CCDC85A: variants seen among roughly 807,000 people sequenced by gnomAD.
The protein encoded by CCDC85A is coiled-coil domain containing 85A, also known as coiled-coil domain-containing protein 85A.
In CCDC85A, 38 loss-of-function variants were observed where a neutral mutation model predicts 50.2. The ratio of observed to expected loss-of-function variants is 0.76; its 90% CI spans 0.58 to 0.99. CCDC85A has a LOEUF of 0.99. Among genes scored for constraint, CCDC85A ranks in the 50% least tolerant of loss-of-function variants. The probability of loss-of-function intolerance (pLI) is 0.00; values close to 1 mark genes in which losing one functional copy is unlikely to be tolerated. For synonymous variants in CCDC85A, 366 were observed against 301.4 expected, an observed-to-expected ratio of 1.21 and a Z score of -2.22; for missense variants, 820 against 742.0, an observed-to-expected ratio of 1.11 and a Z score of -1.22.
At chr2:56,204,329 T>G (rs1676872992) in intron 2 of CCDC85A, among the ~76,000 whole-genome samples, 1 of 152,208 alleles carries the variant, frequency 6.6e-6, no homozygotes, top group Non-Finnish European at 1.5e-5. Context: ...CGACATATAA[T>G]GAAGTGTTCA....
At chr2:56,254,659 A>G (rs1669905888) in intron 2 of CCDC85A, among the ~76,000 whole-genome samples, 1 of 152,248 alleles carries the variant, frequency 6.6e-6, no homozygotes, top group African/African-American at 2.4e-5. Flanking sequence ...GGAGATGGAC[A>G]TTAATCAAAT....
At chr2:56,272,194 G>T (rs751099116) in intron 2 of CCDC85A, among the ~76,000 whole-genome samples, 1 of 152,134 alleles carries the variant, frequency 6.6e-6, no homozygotes, top group Non-Finnish European at 1.5e-5. Flanking sequence ...TAAAGAATAT[G>T]GGATAGGTGG....
chr2:56,335,895 T>G (rs1674048739), intron 2 of CCDC85A, among the ~76,000 whole-genome samples: 1 of 152,044 alleles, frequency 6.6e-6, no homozygotes, highest in African/African-American at 2.4e-5. Context: ...CCACTGCGCC[T>G]GACCCAAACT....
intron 3 of CCDC85A, among the ~76,000 whole-genome samples, chr2:56,353,972 T>C (rs1048278835): frequency 6.6e-6 from 1 of 152,164 alleles, no homozygotes; most frequent in Non-Finnish European, 1.5e-5. Flanking sequence ...AGTTAGGATA[T>C]TCTCACCTGA....
At chr2:56,362,771 A>C (rs971804475) in intron 3 of CCDC85A, among the ~76,000 whole-genome samples, 1 of 151,918 alleles carries the variant, frequency 6.6e-6, no homozygotes. Context: ...GGCATGTGCC[A>C]CCACACCCGG....
chr2:56,190,861 C>T (rs757817245), intron 1 of CCDC85A, among the ~76,000 whole-genome samples: 5 of 152,172 alleles, frequency 3.3e-5, no homozygotes, highest in Non-Finnish European at 7.4e-5. Flanking sequence ...GTCTGTTTTC[C>T]ACACAACTAT....
At chr2:56,310,002 G>A (rs1672616601) in intron 2 of CCDC85A, among the ~76,000 whole-genome samples, 1 of 152,116 alleles carries the variant, frequency 6.6e-6, no homozygotes. Context: ...CCCTGGAGGA[G>A]TCACACTATT....
At chr2:56,214,949 G>C (rs1471910565) in intron 2 of CCDC85A, among the ~76,000 whole-genome samples, 1 of 151,892 alleles carries the variant, frequency 6.6e-6, no homozygotes, top group African/African-American at 2.4e-5. Context: ...TGAACCTACA[G>C]ATCAAGTTGG....
chr2:56,319,577 T>C (rs1017664988), intron 2 of CCDC85A, among the ~76,000 whole-genome samples: 2 of 152,018 alleles, frequency 1.3e-5, no homozygotes, highest in African/African-American at 4.8e-5. Flanking sequence ...GAAAAGACAA[T>C]AGAATAAATA....
intron 2 of CCDC85A, among the ~76,000 whole-genome samples, chr2:56,336,693 A>G (rs1674091882): frequency 1.3e-5 from 2 of 152,202 alleles, no homozygotes; most frequent in Admixed American, 1.3e-4. Context: ...CTGCCTTAGA[A>G]ACAAAAGGGA....
intron 2 of CCDC85A, among the ~76,000 whole-genome samples, chr2:56,315,195 G>C (rs1360203472): frequency 6.6e-6 from 1 of 152,136 alleles, no homozygotes; most frequent in Non-Finnish European, 1.5e-5. Flanking sequence ...CACCTCCCAT[G>C]AGATTGACTG....
At chr2:56,376,535 C>CA (rs1676345427) in intron 5 of CCDC85A, among the ~76,000 whole-genome samples, 1 of 152,060 alleles carries the variant, frequency 6.6e-6, no homozygotes, top group Non-Finnish European at 1.5e-5. Flanking sequence ...AGTGATTTCA[C>CA]AAAAAATTGC....
intron 2 of CCDC85A, among the ~76,000 whole-genome samples, chr2:56,241,207 T>C (rs1669241522): frequency 6.6e-6 from 1 of 152,146 alleles, no homozygotes; most frequent in Non-Finnish European, 1.5e-5. Context: ...GAGATATATA[T>C]ATACATATGG....
intron 2 of CCDC85A, among the ~76,000 whole-genome samples, chr2:56,337,588 A>G (rs953333964): frequency 6.6e-6 from 1 of 151,986 alleles, no homozygotes; most frequent in Non-Finnish European, 1.5e-5. Flanking sequence ...GGCTCCACTC[A>G]TATCTCTCTG....
At chr2:56,206,617 A>G (rs1343363297) in intron 2 of CCDC85A, among the ~76,000 whole-genome samples, 3 of 152,140 alleles carry the variant, frequency 2.0e-5, no homozygotes, top group African/African-American at 7.2e-5. Context: ...CCATGATAAC[A>G]ATATTAATCC....
chr2:56,367,147 G>A (rs1431614173), intron 3 of CCDC85A, among the ~76,000 whole-genome samples: 2 of 152,046 alleles, frequency 1.3e-5, no homozygotes, highest in Admixed American at 6.6e-5. Context: ...CTGGTGTCAC[G>A]ATTTTCTAGG....
rs1336192523 is a variant in CCDC85A at position 56,329,943 on chromosome 2, C to CTTTTTTTTTTTTTT, written c.1241-12935_1241-12934insTTTTTTTTTTTTTT. On this transcript the variant is annotated intron_variant, in intron 2 of 5. Transcript: ENST00000407595. ...TGAAAATTTGTTTTTTACAGATTTC[C>CTTTTTTTTTTTTTT]TGTTTTTTTTTTTTTTTTTTTTTTT... is the stretch of plus-strand genomic sequence containing the variant. 8.7e-4 allele frequency among the ~76,000 whole-genome samples: 20 copies of CTTTTTTTTTTTTTT among 22,866 alleles called. 1 individual carries two copies. Among genetic ancestry groups the CTTTTTTTTTTTTTT allele is most frequent in the Non-Finnish European group, 1.0e-3 (11 of 10,700 alleles). The allele number at this position is 22,866 out of a possible 152,430, so 15.0% of individuals were successfully genotyped here.
intron 2 of CCDC85A, among the ~76,000 whole-genome samples, chr2:56,263,535 C>G (rs190213501): frequency 2.0e-5 from 3 of 152,118 alleles, no homozygotes; most frequent in African/African-American, 7.2e-5. Flanking sequence ...TCAGTTTGCA[C>G]TCTAGCTGTA....
intron 2 of CCDC85A, among the ~76,000 whole-genome samples, chr2:56,267,307 A>G (rs900539099): frequency 6.6e-6 from 1 of 152,024 alleles, no homozygotes; most frequent in Non-Finnish European, 1.5e-5. Flanking sequence ...CTCTTTAACA[A>G]CCAGTACTGC....
Sources: gnomAD v4.1 joint callset for allele counts (sites outside exome capture counted in the v4.1 genomes callset) on GRCh38, gnomAD v4.1.1 for gene constraint, MANE v1.5 for transcripts, NCBI Gene and HGNC (gene_info 2026-07-23, HGNC 2026-07-21) for gene names.